The following C12orf42 variants were observed in gnomAD, a reference collection of about 807,000 sequenced individuals.
C12orf42 encodes the protein uncharacterized protein C12orf42.
A neutral mutation model predicts 21.6 loss-of-function variants in C12orf42; 25 were observed. That is an observed-to-expected ratio of 1.16 (90% confidence interval 0.84 to 1.62). The LOEUF is 1.62. C12orf42 is among the 40% of genes most tolerant of loss of function. The probability of loss-of-function intolerance (pLI) is 0.00; values close to 1 mark genes in which losing one functional copy is unlikely to be tolerated. For synonymous variants in C12orf42, 174 were observed against 175.0 expected (o/e 0.99, Z 0.05); for missense variants, 483 against 459.3 (o/e 1.05, Z -0.47).
At chr12:103,214,833 G>A in the C12orf42 span, among the ~76,000 whole-genome samples, 1 of 152,094 alleles carries the variant, frequency 6.6e-6, no homozygotes, top group Non-Finnish European at 1.5e-5. Flanking sequence ...GGGAGTTTTT[G>A]TTGATGCCGT....
the C12orf42 span, among the ~76,000 whole-genome samples, chr12:103,212,200 C>T: frequency 3.1e-4 from 47 of 152,120 alleles, no homozygotes; most frequent in African/African-American, 1.1e-3. Context: ...AATAATTATT[C>T]CTTAATATAA....
At chr12:103,143,680 G>A in the C12orf42 span, among the ~76,000 whole-genome samples, 5 of 152,244 alleles carry the variant, frequency 3.3e-5, no homozygotes, top group South Asian at 1.0e-3. Flanking sequence ...TCTAAGAAGT[G>A]TCTACAGAGT....
At chr12:103,201,581 CTGAA>C in the C12orf42 span, among the ~76,000 whole-genome samples, 1 of 152,118 alleles carries the variant, frequency 6.6e-6, no homozygotes, top group Non-Finnish European at 1.5e-5. Context: ...GCTTCAAATG[CTGAA>C]TGACCATAGA....
chr12:103,424,073 T>G (rs951725732), intron 2 of C12orf42, among the ~76,000 whole-genome samples: 9 of 152,268 alleles, frequency 5.9e-5, no homozygotes, highest in Non-Finnish European at 1.3e-4. Context: ...ATGGAGGACA[T>G]TGCAACTTAA....
chr12:103,457,953 GA>G (rs1166747894), intron 2 of C12orf42, among the ~76,000 whole-genome samples: 2 of 152,104 alleles, frequency 1.3e-5, no homozygotes, highest in African/African-American at 4.8e-5. Context: ...AACTGAGAAG[GA>G]GAGGAGAAAA....
chr12:103,391,044 G>A (rs552799665), intron 3 of C12orf42, among the ~76,000 whole-genome samples: 20 of 152,224 alleles, frequency 1.3e-4, no homozygotes, highest in South Asian at 1.0e-3. Flanking sequence ...CATATTAGTG[G>A]AAGTACATAA....
chr12:103,288,790 A>G (rs2036623270), intron 4 of C12orf42, among the ~76,000 whole-genome samples: 1 of 152,182 alleles, frequency 6.6e-6, no homozygotes. Context: ...AATCTCCTAT[A>G]ACTATTTTTT....
In C12orf42 at chr12:103,492,812, G is replaced by A. The variant is rs561761535; in HGVS notation, c.-22+3090C>T. Among the ~76,000 whole-genome samples the A allele has an allele frequency of 1.7e-4, 26 of 152,180 alleles. 1 individual carries two copies. Among genetic ancestry groups the A allele is most frequent in the Admixed American group, 3.3e-4 (5 of 15,282 alleles). On this transcript the variant is annotated intron_variant, in intron 1 of 5. Transcript: ENST00000548883. ...CTCAACAACAGTTCAAAATTAACCC[G>A]TCGAATTATTGATCCACACCCCCAT...
At chr12:103,289,119 T>C (rs574320976) in intron 4 of C12orf42, among the ~76,000 whole-genome samples, 1 of 152,128 alleles carries the variant, frequency 6.6e-6, no homozygotes, top group Non-Finnish European at 1.5e-5. Flanking sequence ...ATAGAACAGG[T>C]AGTACTAATA....
intron 4 of C12orf42, among the ~76,000 whole-genome samples, chr12:103,312,592 G>A (rs2039074129): frequency 6.6e-6 from 1 of 152,260 alleles, no homozygotes; most frequent in African/African-American, 2.4e-5. Flanking sequence ...GCTTCCTCAG[G>A]CTACTGAGGC....
the C12orf42 span, among the ~76,000 whole-genome samples, chr12:103,208,657 C>A: frequency 6.6e-6 from 1 of 152,112 alleles, no homozygotes; most frequent in Non-Finnish European, 1.5e-5. Flanking sequence ...GAAAAACATG[C>A]AGAACAATAG....
chr12:103,367,726 C>G (rs932482949), intron 4 of C12orf42, among the ~76,000 whole-genome samples: 3 of 151,878 alleles, frequency 2.0e-5, no homozygotes, highest in Non-Finnish European at 4.4e-5. Flanking sequence ...CTACTATGTA[C>G]CTCTTTATAT....
At chr12:103,093,688 C>T in the C12orf42 span, among the ~76,000 whole-genome samples, 1 of 152,172 alleles carries the variant, frequency 6.6e-6, no homozygotes, top group African/African-American at 2.4e-5. Flanking sequence ...TAACCAAGCC[C>T]ATGAACCGCA....
the C12orf42 span, among the ~76,000 whole-genome samples, chr12:103,113,955 T>C: frequency 9.2e-5 from 14 of 152,354 alleles, no homozygotes; most frequent in Non-Finnish European, 1.8e-4. Context: ...AATGCTACTA[T>C]ACACTCAACA....
At chr12:103,154,635 T>C in the C12orf42 span, among the ~76,000 whole-genome samples, 1 of 152,140 alleles carries the variant, frequency 6.6e-6, no homozygotes, top group Non-Finnish European at 1.5e-5. Flanking sequence ...AGCAACTGTT[T>C]TGGATATAAA....
the C12orf42 span, among the ~76,000 whole-genome samples, chr12:103,518,082 T>A: frequency 6.6e-6 from 1 of 152,156 alleles, no homozygotes; most frequent in Non-Finnish European, 1.5e-5. Flanking sequence ...TATCAGAATA[T>A]AAGAGTTACA....
the C12orf42 span, among the ~76,000 whole-genome samples, chr12:103,101,601 C>A: frequency 6.6e-6 from 1 of 152,204 alleles, no homozygotes; most frequent in East Asian, 1.9e-4. Flanking sequence ...GCTCTGCTAT[C>A]ATCCATGTCT....
chr12:103,474,383 G>A (rs1953870593), intron 2 of C12orf42, among the ~76,000 whole-genome samples: 1 of 151,482 alleles, frequency 6.6e-6, no homozygotes, highest in African/African-American at 2.4e-5. Context: ...CTGGCTGATT[G>A]AATATATATA....
At chr12:103,091,789 C>T in the C12orf42 span, among the ~76,000 whole-genome samples, 7 of 152,258 alleles carry the variant, frequency 4.6e-5, no homozygotes, top group African/African-American at 1.4e-4. Flanking sequence ...TTTGAAATCA[C>T]CTTTTTTTCC....
Sources: allele counts gnomAD v4.1 joint callset (sites outside exome capture counted in the v4.1 genomes callset), GRCh38; gene constraint gnomAD v4.1.1; transcripts MANE v1.5; gene names NCBI Gene and HGNC (gene_info 2026-07-23, HGNC 2026-07-21).